Variants in LIG1 observed in about 807,000 individuals in gnomAD.
LIG1 encodes DNA ligase 1.
In LIG1, 70 loss-of-function variants were observed where a neutral mutation model predicts 115.7. The ratio of observed to expected loss-of-function variants is 0.60; its 90% CI spans 0.50 to 0.74. LIG1 has a LOEUF of 0.74. Among genes scored for constraint, LIG1 ranks in the 30% least tolerant of loss-of-function variants. The pLI, the probability that LIG1 is intolerant of heterozygous loss-of-function variation, is 0.00. For synonymous variants in LIG1, 487 were observed against 495.3 expected (o/e 0.98, Z 0.22); for missense variants, 1,115 against 1,225.6 (o/e 0.91, Z 1.35).
At chr19:48,140,200 CG>C in intron 11 of LIG1, 57 bp from the exon 12 acceptor site, 1 of 719,708 alleles carries the variant, frequency 1.4e-6, no homozygotes, top group East Asian at 4.1e-5. Context: ...AGTGTGGTGT[CG>C]GGGTGGGGTG....
intron 6 of LIG1, 169 bp from the exon 7 acceptor site, chr19:48,151,508 C>A: frequency 1.8e-6 from 1 of 550,872 alleles, no homozygotes; most frequent in East Asian, 3.7e-5. Context: ...TGGCTCACTG[C>A]AACCTCTGCC....
intron 5 of LIG1, 55 bp downstream of exon 5, chr19:48,156,959 A>AAAAAAG: frequency 7.4e-7 from 1 of 1,349,812 alleles, no homozygotes. Context: ...AAAAAAAAAA[A>AAAAAAG]AAAGAGAAAA....
chr19:48,154,468 C>T, intron 5 of LIG1: 1 of 223,698 alleles, frequency 4.5e-6, no homozygotes, highest in South Asian at 7.2e-5. Context: ...AGCATTTACA[C>T]CGTTCCCCAG....
chr19:48,159,304 T>G lies in LIG1; in HGVS notation c.243+2068A>C, dbSNP rs138965924. Among the ~76,000 whole-genome samples, 505 of 152,292 alleles carry G rather than the reference T, an allele frequency of 3.3e-3. 2 individuals carry two copies. Among genetic ancestry groups the G allele is most frequent in the Non-Finnish European group, 6.2e-3 (421 of 68,014 alleles). Reference sequence around the variant, plus strand: ...CCTGGCTGCTCTCGAACTTCTGACCTCGTGATCCACCCGCCTTGGCCTCCC... The same window carrying G: ...CCTGGCTGCTCTCGAACTTCTGACCGCGTGATCCACCCGCCTTGGCCTCCC... On this transcript the variant is annotated intron_variant, in intron 4 of 27. Transcript: ENST00000263274.
chr19:48,118,729 GTATGAGTATGAAAATAAAC>G (rs1367786921), intron 25 of LIG1, among the ~76,000 whole-genome samples: 3 of 152,072 alleles, frequency 2.0e-5, no homozygotes, highest in Admixed American at 6.5e-5. Flanking sequence ...CTTCATAGCA[GTATGAGTATGAAAATAAAC>G]TAATACAGAT....
Position 48,157,059 on chromosome 19 carries a change from A to G in LIG1, c.325T>C (p.Ser109Pro). Reference sequence around the variant, plus strand: ...CCTGATGGGGAACTGTCCATGGGAGAGGTGTCAGAGAGGGAAGCATTGTTC... The same window carrying G: ...CCTGATGGGGAACTGTCCATGGGAGGGGTGTCAGAGAGGGAAGCATTGTTC... The part of the protein sequence containing the change: ...PENNASLSDT[S>P]PMDSSPSGIP... Residue 109 changes from serine (S) to proline (P), a missense_variant, in exon 5 of 28, where the codon TCT becomes CCT. Transcript: ENST00000263274. 6.2e-7 allele frequency: 1 copy of G among 1,607,400 alleles called. No homozygotes were observed. The highest frequency in any genetic ancestry group is 2.2e-5 in the East Asian group (1 of 44,478).
At chr19:48,168,896 C>T (rs879782203) in intron 1 of LIG1, among the ~76,000 whole-genome samples, 1 of 152,080 alleles carries the variant, frequency 6.6e-6, no homozygotes, top group Non-Finnish European at 1.5e-5. Flanking sequence ...CTGACTTGTA[C>T]ATTTTAAATG....
At chr19:48,166,850 A>C (rs1217048056) in intron 1 of LIG1, among the ~76,000 whole-genome samples, 1 of 151,872 alleles carries the variant, frequency 6.6e-6, no homozygotes, top group Non-Finnish European at 1.5e-5. Context: ...GCACACCTGT[A>C]ATCCCAGCTA....
At position 48,137,668 on chromosome 19, in the gene LIG1, G is replaced by A. The variant is rs777105642; in HGVS notation, c.1108C>T (p.Arg370Trp). 2.2e-5 allele frequency: 36 copies of A among 1,605,066 alleles called. 1 individual carries two copies. In the South Asian group the frequency reaches 3.2e-4, roughly 14 times the overall value. ...QATGRQLESV[R>W]AEAAEKGDVG... ...TCGCCTTTCTCGGCTGCCTCAGCCC[G>A]GACGGACTCCAGCTGCCGACCTTCA... Residue 370 changes from arginine (R) to tryptophan (W), a missense_variant, in exon 13 of 28, where the codon CGG becomes TGG. Physicochemically the swap from Arg to Trp is moderately radical, Grantham distance 101. Coordinates refer to ENST00000263274, the MANE Select transcript of LIG1 (RefSeq NM_000234.3). The surrounding 1 kb of genome is among the most constrained non-coding windows in gnomAD (Gnocchi z 4.3).
At chr19:48,154,251 A>G (rs574786431) in intron 5 of LIG1, 33 of 407,486 alleles carry the variant, frequency 8.1e-5, no homozygotes, top group South Asian at 6.6e-4. Context: ...TACTTGGCAC[A>G]GTACCGATTC....
Position 48,137,807 on chromosome 19 carries a change from C to A in LIG1, c.1088-119G>T. 7.9e-7 allele frequency: 1 copy of A among 1,270,924 alleles called. No individual in the cohort carries two copies. Among genetic ancestry groups the A allele is most frequent in the South Asian group, 1.3e-5 (1 of 76,636 alleles). 78.7% of individuals were successfully genotyped at this position (1,270,924 alleles called of 1,614,324 possible). A position where few individuals can be genotyped will look rare whatever the true frequency, so the allele number is the denominator to read the frequency against. On this transcript the variant is annotated intron_variant, in intron 12 of 27. Coordinates refer to ENST00000263274, the MANE Select transcript of LIG1 (RefSeq NM_000234.3). This position sits in a 1 kb window ranked among gnomAD's most constrained non-coding sequence, Gnocchi z 4.3. ...TGTGTGCTTGTGGCGAGTCCCTGCA[C>A]CTCCCTGTGTCTAACGCTCACCCAC...
intron 19 of LIG1, 105 bp from the exon 20 acceptor site, chr19:48,128,125 T>C (rs2122487784): frequency 2.3e-6 from 2 of 883,570 alleles, no homozygotes; most frequent in South Asian, 1.3e-5. Context: ...GCTCTCAAGA[T>C]GCACTAACAA....
At chr19:48,117,459 C>T (rs1266215180) in intron 26 of LIG1, among the ~76,000 whole-genome samples, 179 bp downstream of exon 26, 1 of 152,202 alleles carries the variant, frequency 6.6e-6, no homozygotes, top group Non-Finnish European at 1.5e-5. Context: ...CATGCCCGGC[C>T]CATTTTTAAA....
At chr19:48,123,738 C>G (rs2033464998) in intron 21 of LIG1, 1 of 287,072 alleles carries the variant, frequency 3.5e-6, no homozygotes, top group Non-Finnish European at 6.8e-6. Context: ...TTGCGTCGGC[C>G]TCCCGAGTAG....
Position 48,143,768 on chromosome 19 carries a change from G to A in LIG1, c.857+115C>T, listed in dbSNP as rs190866935. 2.4e-4 allele frequency: 274 copies of A among 1,127,052 alleles called. No individual in the cohort carries two copies. In the African/African-American group the frequency reaches 3.7e-3, roughly 15 times the overall value. The allele number at this position is 1,127,052 out of a possible 1,614,324, so 69.8% of individuals were successfully genotyped here. ...GTCCCTTTCAATGCTGCTGATTGTC[G>A]CCAAAACACAGGAGGGAGAGACTTG... is the stretch of plus-strand genomic sequence containing the variant. On this transcript the variant is annotated intron_variant, in intron 10 of 27. Coordinates refer to ENST00000263274, the MANE Select transcript of LIG1 (RefSeq NM_000234.3).
intron 1 of LIG1, 89 bp from the exon 2 acceptor site, chr19:48,165,712 A>AG (rs745821477): frequency 3.2e-5 from 31 of 981,514 alleles, no homozygotes; most frequent in Admixed American, 8.4e-5. Context: ...AAAGAAAGAA[A>AG]AAAAAAAACA....
intron 12 of LIG1, among the ~76,000 whole-genome samples, chr19:48,139,265 T>C (rs932795316): frequency 1.3e-5 from 2 of 152,188 alleles, no homozygotes; most frequent in Non-Finnish European, 2.9e-5. Context: ...TGCAGGTGCC[T>C]GCCCCTCACC....
At chr19:48,142,287 C>A (rs113664976) in intron 11 of LIG1, among the ~76,000 whole-genome samples, 8,700 of 151,618 alleles carry the variant, frequency 0.057, 537 homozygotes, top group East Asian at 0.19. Context: ...AACACACACA[C>A]AAAAAATTAG....
chr19:48,132,282 C>T (rs1022047195), intron 18 of LIG1, among the ~76,000 whole-genome samples: 3 of 152,156 alleles, frequency 2.0e-5, no homozygotes, highest in Non-Finnish European at 2.9e-5. Flanking sequence ...CACATTCTTA[C>T]AGACCCCAGG....
Sources: gnomAD v4.1 joint callset for allele counts (sites outside exome capture counted in the v4.1 genomes callset) on GRCh38, gnomAD v4.1.1 for gene constraint, Gnocchi (gnomAD v3.1) non-coding constraint, MANE v1.5 for transcripts, NCBI Gene and HGNC (gene_info 2026-07-23, HGNC 2026-07-21) for gene names.